Variants in MAP9 observed in about 807,000 individuals in gnomAD.
MAP9 encodes microtubule associated protein 9, also known as microtubule-associated protein 9.
Under a neutral mutation model 75.2 loss-of-function variants are expected in MAP9, and 80 were observed. That is an observed-to-expected ratio of 1.06 (90% CI 0.89 to 1.28). The LOEUF is 1.28. MAP9 is among the 50% of genes most tolerant of loss of function. The probability of loss-of-function intolerance (pLI) is 0.00; values close to 1 mark genes in which losing one functional copy is unlikely to be tolerated. For synonymous variants in MAP9, 235 were observed against 237.3 expected, an observed-to-expected ratio of 0.99 and a Z score of 0.09; for missense variants, 753 against 719.9, an observed-to-expected ratio of 1.05 and a Z score of -0.53.
chr4:155,352,738 A>ATAGT lies in MAP9; in HGVS notation c.1689-14_1689-11dup, dbSNP rs763662500. 6.5e-7 allele frequency: 1 copy of ATAGT among 1,539,956 alleles called. No homozygotes were observed. Among genetic ancestry groups the ATAGT allele is most frequent in the South Asian group, 1.2e-5 (1 of 83,838 alleles). Reference sequence around the variant, plus strand: ...TTCCTTTTTTTCATTCCTATAGAGCATAGTATAAAACACTGGAGAGTTAAA... The same window carrying ATAGT: ...TTCCTTTTTTTCATTCCTATAGAGCATAGTTAGTATAAAACACTGGAGAGTTAAA... On this transcript the variant is annotated splice_polypyrimidine_tract_variant and intron_variant, in intron 12 of 13. Coordinates refer to ENST00000311277, the MANE Select transcript of MAP9 (RefSeq NM_001039580.2).
chr4:155,370,118 CA>C (rs1197824259), intron 4 of MAP9, among the ~76,000 whole-genome samples: 11 of 152,126 alleles, frequency 7.2e-5, no homozygotes, highest in Admixed American at 1.3e-4. Flanking sequence ...TGTTCAACCC[CA>C]AATCCAAGGG....
At chr4:155,369,938 T>C (rs1225210097) in intron 4 of MAP9, among the ~76,000 whole-genome samples, 1 of 152,228 alleles carries the variant, frequency 6.6e-6, no homozygotes, top group African/African-American at 2.4e-5. Flanking sequence ...TATGTTTCTA[T>C]TGTTCTACAA....
chr4:155,368,859 G>A lies in MAP9; in HGVS notation c.482-47C>T, dbSNP rs765638171. Reference sequence around the variant, plus strand: ...GTGTGTGTATAAAAAAATGACCATGGCTTTATCTATCTCTCTGGGTGCTAC... The same window carrying A: ...GTGTGTGTATAAAAAAATGACCATGACTTTATCTATCTCTCTGGGTGCTAC... On this transcript the variant is annotated intron_variant, in intron 4 of 13. Coordinates refer to ENST00000311277, the MANE Select transcript of MAP9 (RefSeq NM_001039580.2). The A allele has an allele frequency of 4.8e-6, 7 of 1,473,414 alleles. No homozygotes were observed. In the African/African-American group the frequency reaches 9.8e-5, roughly 21 times the overall value. The allele number at this position is 1,473,414 out of a possible 1,614,324, so 91.3% of individuals were successfully genotyped here.
intron 7 of MAP9, among the ~76,000 whole-genome samples, chr4:155,358,637 C>A (rs1731914697): frequency 6.6e-6 from 1 of 152,026 alleles, no homozygotes; most frequent in South Asian, 2.1e-4. Context: ...AGCACTCAGG[C>A]ACAATTTAAT....
chr4:155,376,100 A>G (rs895486554), intron 1 of MAP9, among the ~76,000 whole-genome samples, 186 bp from the exon 2 acceptor site: 6 of 152,240 alleles, frequency 3.9e-5, no homozygotes, highest in African/African-American at 1.4e-4. Context: ...AAAAATTCAA[A>G]TGGAAGTTAT....
In MAP9 at chr4:155,360,431, G is replaced by C; in HGVS notation, c.803-16C>G. ...TCATTTGGATCTATTTTGAGACAGAGTAATAGCATTAAAACCCCCTTCTGA... is the reference window on the plus strand; with the variant it reads ...TCATTTGGATCTATTTTGAGACAGACTAATAGCATTAAAACCCCCTTCTGA... On this transcript the variant is annotated splice_polypyrimidine_tract_variant and intron_variant, in intron 6 of 13. Coordinates refer to ENST00000311277, the MANE Select transcript of MAP9 (RefSeq NM_001039580.2). The C allele has an allele frequency of 6.3e-7, 1 of 1,598,522 alleles. No homozygotes were observed.
intron 13 of MAP9, among the ~76,000 whole-genome samples, chr4:155,348,365 CAA>C (rs1156631803): frequency 1.3e-5 from 2 of 151,382 alleles, no homozygotes; most frequent in Non-Finnish European, 3.0e-5. Flanking sequence ...AAAATGGAAA[CAA>C]GAAAAAAATT....
In MAP9 at chr4:155,362,247, A is replaced by C. The variant is rs953634927; in HGVS notation, c.709-106T>G. 1.3e-4 allele frequency: 88 copies of C among 698,420 alleles called. No individual in the cohort carries two copies. In the African/African-American group the frequency reaches 1.4e-3, roughly 11 times the overall value. The allele number at this position is 698,420 out of a possible 1,614,324, so 43.3% of individuals were successfully genotyped here. On this transcript the variant is annotated intron_variant, in intron 5 of 13. Transcript: ENST00000311277. The stretch of plus-strand genomic sequence containing the variant: ...CAAATTGAAATAGTGCATAACTCTG[A>C]AATCTGCATTATTTAGGCATTTGTT...
At chr4:155,359,617 G>C (rs1256163793) in intron 7 of MAP9, among the ~76,000 whole-genome samples, 1 of 151,924 alleles carries the variant, frequency 6.6e-6, no homozygotes, top group African/African-American at 2.4e-5. Flanking sequence ...ATCACCTCTG[G>C]AGGTTGCCAG....
Position 155,352,618 on chromosome 4 carries a change from A to G in MAP9, c.1799T>C (p.Ile600Thr), listed in dbSNP as rs745641863. The G allele has an allele frequency of 3.2e-6, 5 of 1,561,374 alleles. No homozygotes were observed. In the Admixed American group the frequency reaches 9.2e-5, roughly 29 times the overall value. The change falls in exon 13 of 14, where the codon ATT (isoleucine) becomes ACT (threonine). Residue 600 changes from isoleucine (I) to threonine (T), a missense_variant. Ile to Thr is a moderately conservative substitution (Grantham distance 89). Coordinates refer to ENST00000311277, the MANE Select transcript of MAP9 (RefSeq NM_001039580.2). ...AEKKDKDKQA[I>T]NEYEKWLENK... ...TACCAGCCATTTTTCATATTCATTA[A>G]TAGCTTGTTTATCTTTATCTTTTTT...
intron 5 of MAP9, among the ~76,000 whole-genome samples, chr4:155,367,081 G>A (rs1314861976): frequency 6.6e-6 from 1 of 152,168 alleles, no homozygotes; most frequent in Non-Finnish European, 1.5e-5. Flanking sequence ...TCCCGGGAAT[G>A]CTAGGTTTAA....
In MAP9 at chr4:155,343,925, T is replaced by TA. The variant is rs1731196458; in HGVS notation, c.*3857dup. 6.6e-6 allele frequency: 1 copy of TA among 151,950 alleles called. No homozygotes were observed. Among genetic ancestry groups the TA allele is most frequent in the South Asian group, 2.1e-4 (1 of 4,828 alleles). The allele number at this position is 151,950 out of a possible 1,614,324, so 9.4% of individuals were successfully genotyped here. ...CATTTTATTATCCTATTAGCCAGTG[T>TA]AAATGCAAACTAGGAAAGTTGATAT... is the stretch of plus-strand genomic sequence containing the variant. On this transcript the variant is annotated 3_prime_UTR_variant, in exon 14 of 14. Coordinates refer to ENST00000311277, the MANE Select transcript of MAP9 (RefSeq NM_001039580.2).
chr4:155,361,744 A>G (rs1732089963), intron 6 of MAP9, among the ~76,000 whole-genome samples: 1 of 152,012 alleles, frequency 6.6e-6, no homozygotes, highest in Admixed American at 6.6e-5. Context: ...ACATAACAGT[A>G]GTTTACCTTA....
At chr4:155,363,985 A>G (rs1440840343) in intron 5 of MAP9, among the ~76,000 whole-genome samples, 1 of 152,082 alleles carries the variant, frequency 6.6e-6, no homozygotes, top group Admixed American at 6.6e-5. Context: ...ATAGGTTTGG[A>G]AAGCTCAACA....
intron 5 of MAP9, among the ~76,000 whole-genome samples, chr4:155,365,783 T>C (rs1280344220): frequency 6.6e-6 from 1 of 152,014 alleles, no homozygotes; most frequent in Non-Finnish European, 1.5e-5. Flanking sequence ...GAGATCACAA[T>C]GATCACTATA....
chr4:155,355,684 CT>C, intron 9 of MAP9, 31 bp downstream of exon 9: 1 of 1,541,444 alleles, frequency 6.5e-7, no homozygotes, highest in Non-Finnish European at 8.9e-7. Flanking sequence ...AGTGATCATT[CT>C]TCTTCTCTTA....
rs771817042 is a variant in MAP9 at position 155,375,788 on chromosome 4, T to C, written c.63A>G (p.Arg21=). 10 of 1,603,678 alleles carry C rather than the reference T, an allele frequency of 6.2e-6. No homozygotes were observed. The highest frequency in any genetic ancestry group is 8.5e-6 in the Non-Finnish European group (10 of 1,171,648). The change falls in exon 2 of 14, where the codon AGA becomes AGG. Residue 21 remains arginine, a synonymous_variant. Coordinates refer to ENST00000311277, the MANE Select transcript of MAP9 (RefSeq NM_001039580.2). ...AYTKSPKVTK[R]TTFQDELIRA... ...AAAAATACTTTACCTGGAAAGTAGT[T>C]CTTTTGGTAACTTTTGGACTCTTTG...
At chr4:155,347,970 G>A in intron 13 of MAP9, 65 bp from the exon 14 acceptor site, 2 of 1,026,180 alleles carry the variant, frequency 1.9e-6, no homozygotes, top group Non-Finnish European at 2.8e-6. Context: ...AAATCAGGTT[G>A]CTTGCTGAAG....
At chr4:155,373,516 T>G (rs1298252171) in intron 3 of MAP9, 60 bp from the exon 4 acceptor site, 1 of 1,151,876 alleles carries the variant, frequency 8.7e-7, no homozygotes, top group Non-Finnish European at 1.2e-6. Context: ...CAAGGTTACG[T>G]TAACTTAATC....
Sources: gnomAD v4.1 joint callset for allele counts (sites outside exome capture counted in the v4.1 genomes callset) on GRCh38, gnomAD v4.1.1 for gene constraint, MANE v1.5 for transcripts, NCBI Gene and HGNC (gene_info 2026-07-23, HGNC 2026-07-21) for gene names.